Variants in MRPL48 observed in about 807,000 individuals in gnomAD.
MRPL48 encodes the protein mitochondrial ribosomal protein L48, also known as large ribosomal subunit protein mL48.
In MRPL48, 16 loss-of-function variants were observed where a neutral mutation model predicts 32.9. That is an observed-to-expected ratio of 0.49 (90% CI 0.33 to 0.74). MRPL48 has a LOEUF of 0.74. Ranked by LOEUF, MRPL48 falls within the 30% of genes least tolerant of loss-of-function variation. The pLI, the probability that MRPL48 is intolerant of heterozygous loss-of-function variation, is 0.02. For missense variants in MRPL48, 206 were observed against 245.3 expected (o/e 0.84, Z 1.07); for synonymous variants, 94 against 89.2 (o/e 1.05, Z -0.31).
At chr11:73,799,743 A>G (rs1172786305) in intron 1 of MRPL48, among the ~76,000 whole-genome samples, 1 of 152,182 alleles carries the variant, frequency 6.6e-6, no homozygotes, top group Middle Eastern at 3.2e-3. Context: ...CAATGTATCC[A>G]TTTAACAAAA....
At chr11:73,803,719 T>A (rs1428288313) in intron 1 of MRPL48, among the ~76,000 whole-genome samples, 2 of 151,988 alleles carry the variant, frequency 1.3e-5, no homozygotes, top group Non-Finnish European at 2.9e-5. Flanking sequence ...TATGGGACCT[T>A]AAGAACAGAC....
intron 3 of MRPL48, among the ~76,000 whole-genome samples, chr11:73,819,054 A>G (rs1433659359): frequency 1.3e-5 from 2 of 152,216 alleles, no homozygotes; most frequent in Non-Finnish European, 2.9e-5. Context: ...ACAGGGGAAA[A>G]GAATTCAGTT....
chr11:73,850,663 G>C, intron 5 of MRPL48: 1 of 282,962 alleles, frequency 3.5e-6, no homozygotes, highest in Non-Finnish European at 6.8e-6. Context: ...CTACTTCTGA[G>C]GTCTGGGCTA....
chr11:73,817,808 GTTT>G (rs1463066222), intron 3 of MRPL48: 1 of 404,770 alleles, frequency 2.5e-6, no homozygotes, highest in Non-Finnish European at 4.9e-6. Context: ...TGTTGTTGTT[GTTT>G]TTGTTTTTGA....
At position 73,861,643 on chromosome 11, in the gene MRPL48, A is replaced by G. The variant is rs560465414; in HGVS notation, c.475-1529A>G. ...CTCAGCCTCCCAAAGTGCTGGGATT[A>G]CAGGCATGAACCACTGTGCCCGGCC... is the stretch of plus-strand genomic sequence containing the variant. On this transcript the variant is annotated intron_variant, in intron 6 of 7. Coordinates refer to ENST00000310614, the MANE Select transcript of MRPL48 (RefSeq NM_016055.6). 1.9e-4 allele frequency among the ~76,000 whole-genome samples: 29 copies of G among 152,234 alleles called. No homozygotes were observed. The South Asian group carries it at 5.4e-3, about 28-fold the overall frequency.
At chr11:73,862,108 T>G (rs1390828212) in intron 6 of MRPL48, among the ~76,000 whole-genome samples, 1 of 151,962 alleles carries the variant, frequency 6.6e-6, no homozygotes, top group African/African-American at 2.4e-5. Flanking sequence ...GCCAACATGG[T>G]GAAACCCTGG....
chr11:73,855,716 G>A (rs1438919810), intron 5 of MRPL48, among the ~76,000 whole-genome samples: 1 of 152,160 alleles, frequency 6.6e-6, no homozygotes, highest in Non-Finnish European at 1.5e-5. Context: ...TTGAGCTCCT[G>A]ACCTCGTGAT....
intron 1 of MRPL48, among the ~76,000 whole-genome samples, chr11:73,790,794 T>C (rs998048911): frequency 6.6e-6 from 1 of 151,674 alleles, no homozygotes; most frequent in African/African-American, 2.4e-5. Flanking sequence ...CCCAAAGTTC[T>C]GGGATTGCAG....
intron 1 of MRPL48, among the ~76,000 whole-genome samples, chr11:73,799,221 A>G (rs1414189110): frequency 6.6e-6 from 1 of 152,044 alleles, no homozygotes; most frequent in Non-Finnish European, 1.5e-5. Context: ...GTGTAGTGGC[A>G]CACATCTGTA....
intron 1 of MRPL48, among the ~76,000 whole-genome samples, chr11:73,797,750 G>A (rs1016596685): frequency 2.6e-4 from 40 of 152,210 alleles, no homozygotes; most frequent in Admixed American, 5.2e-4. Context: ...GGTAGTGTGA[G>A]CGGAGGACAG....
chr11:73,791,520 G>A (rs765275306), intron 1 of MRPL48, among the ~76,000 whole-genome samples: 4 of 151,870 alleles, frequency 2.6e-5, no homozygotes, highest in Non-Finnish European at 5.9e-5. Flanking sequence ...GGGCTCAAGC[G>A]ATCCTCTCGC....
intron 3 of MRPL48, among the ~76,000 whole-genome samples, chr11:73,811,740 TA>T (rs1489776276): frequency 6.6e-6 from 1 of 152,102 alleles, no homozygotes; most frequent in Non-Finnish European, 1.5e-5. Context: ...GGTGCAAAAG[TA>T]AAAATAATGG....
chr11:73,841,679 A>G (rs1203734307), intron 4 of MRPL48, among the ~76,000 whole-genome samples: 1 of 152,148 alleles, frequency 6.6e-6, no homozygotes, highest in Non-Finnish European at 1.5e-5. Flanking sequence ...TTTCTTGTCT[A>G]GGGTACTGAT....
intron 1 of MRPL48, chr11:73,802,076 T>C (rs957085880): frequency 6.6e-6 from 1 of 152,194 alleles, no homozygotes; most frequent in Non-Finnish European, 1.5e-5. Context: ...TATGCATTTG[T>C]CTAGGAAGAG....
chr11:73,831,814 C>T (rs1437890694), intron 4 of MRPL48, among the ~76,000 whole-genome samples: 2 of 151,770 alleles, frequency 1.3e-5, no homozygotes, highest in Non-Finnish European at 2.9e-5. Flanking sequence ...GTGGCGCATG[C>T]CTGTAATCCC....
intron 5 of MRPL48, among the ~76,000 whole-genome samples, chr11:73,846,503 G>A (rs528114822): frequency 2.0e-5 from 3 of 151,742 alleles, no homozygotes; most frequent in East Asian, 1.9e-4. Flanking sequence ...TTACAGGTGC[G>A]CACTACTGCA....
chr11:73,820,145 T>C (rs572617062), intron 3 of MRPL48, among the ~76,000 whole-genome samples: 1 of 152,316 alleles, frequency 6.6e-6, no homozygotes, highest in East Asian at 1.9e-4. Context: ...AGACATATAC[T>C]TTCCCTGCTT....
At chr11:73,832,358 T>A (rs1479720062) in intron 4 of MRPL48, 1 of 152,230 alleles carries the variant, frequency 6.6e-6, no homozygotes, top group African/African-American at 2.4e-5. Flanking sequence ...CCATAATAGA[T>A]CAGCTGTCAC....
At chr11:73,862,666 A>G (rs886975740) in intron 6 of MRPL48, among the ~76,000 whole-genome samples, 1 of 152,158 alleles carries the variant, frequency 6.6e-6, no homozygotes, top group African/African-American at 2.4e-5. Context: ...CTGTAAACCT[A>G]GCACTTTTGG....
Sources: allele counts gnomAD v4.1 joint callset (sites outside exome capture counted in the v4.1 genomes callset), GRCh38; gene constraint gnomAD v4.1.1; transcripts MANE v1.5; gene names NCBI Gene and HGNC (gene_info 2026-07-23, HGNC 2026-07-21).